Variants in EP300 observed in about 807,000 individuals in gnomAD.
EP300 encodes the protein EP300 lysine acetyltransferase.
In EP300, 31 loss-of-function variants were observed where a neutral mutation model predicts 264.0. The observed-to-expected ratio is 0.12, with a 90% CI of 0.09 to 0.16. The LOEUF (loss-of-function observed/expected upper bound fraction) is 0.16, where lower values mean the gene tolerates loss of function less well. Among genes scored for constraint, EP300 ranks in the 10% least tolerant of loss-of-function variants. The pLI is 1.00. For synonymous variants in EP300, 1,340 were observed against 1,045.4 expected, an observed-to-expected ratio of 1.28 and a Z score of -5.44; for missense variants, 2,766 against 3,052.9, an observed-to-expected ratio of 0.91 and a Z score of 2.21.
At chr22:41,163,376 A>G (rs1461732759) in intron 21 of EP300, among the ~76,000 whole-genome samples, 1 of 142,448 alleles carries the variant, frequency 7.0e-6, no homozygotes, top group East Asian at 2.1e-4. Flanking sequence ...CGGAGCTTGC[A>G]GTGAGCCGAG....
chr22:41,153,487 A>G (rs1003833256), intron 16 of EP300, among the ~76,000 whole-genome samples: 1 of 152,174 alleles, frequency 6.6e-6, no homozygotes, highest in Admixed American at 6.5e-5. Context: ...GTGTTCCCTC[A>G]TGCCTGTAAT....
intron 16 of EP300, 151 bp downstream of exon 16, chr22:41,152,501 A>G: frequency 1.2e-6 from 1 of 812,790 alleles, no homozygotes; most frequent in Non-Finnish European, 1.9e-6. Context: ...CATTGTTACT[A>G]ATAATTTTTC....
chr22:41,124,544 C>A (rs546854083), intron 2 of EP300, among the ~76,000 whole-genome samples: 122 of 152,258 alleles, frequency 8.0e-4, no homozygotes, highest in African/African-American at 2.9e-3. Flanking sequence ...CGCCTATAAT[C>A]GCAGCACTTT....
intron 1 of EP300, among the ~76,000 whole-genome samples, chr22:41,112,661 A>G (rs1285288948): frequency 6.7e-6 from 1 of 149,758 alleles, no homozygotes; most frequent in Non-Finnish European, 1.5e-5. Flanking sequence ...TCCATGAAGA[A>G]GATTGGCCTG....
chr22:41,151,801 G>A (rs2059047069), intron 14 of EP300, 32 bp from the exon 15 acceptor site: 3 of 1,610,600 alleles, frequency 1.9e-6, no homozygotes, highest in Admixed American at 3.3e-5. Flanking sequence ...CTCTGCGTGT[G>A]TCTCACCTAC....
intron 1 of EP300, among the ~76,000 whole-genome samples, chr22:41,101,633 G>T (rs1048466124): frequency 1.3e-5 from 2 of 151,814 alleles, no homozygotes; most frequent in African/African-American, 2.4e-5. Context: ...GGATGGTCTC[G>T]ATCTGCTGAC....
chr22:41,112,644 T>C (rs769481086), intron 1 of EP300, among the ~76,000 whole-genome samples: 3 of 152,216 alleles, frequency 2.0e-5, no homozygotes, highest in Admixed American at 6.5e-5. Context: ...AGAGTCTTGT[T>C]TCTGTGTCCA....
chr22:41,147,846 A>G lies in EP300; in HGVS notation c.2141A>G (p.Gln714Arg), dbSNP rs1216703492. ...PRITPQSGLNQFGQMSMAQPP... is the reference protein window; with the variant it reads ...PRITPQSGLNRFGQMSMAQPP... ...TTGCTCATATTCACAGGTTTGAATC[A>G]ATTTGGCCAGATGAGCATGGCCCAG... Residue 714 changes from glutamine (Q) to arginine (R), a missense_variant, in exon 12 of 31, where the codon CAA (glutamine) becomes CGA (arginine). Coordinates refer to ENST00000263253, the MANE Select transcript of EP300 (RefSeq NM_001429.4). 1.9e-6 allele frequency: 3 copies of G among 1,613,702 alleles called. No homozygotes were observed. The highest frequency in any genetic ancestry group is 2.5e-6 in the Non-Finnish European group (3 of 1,179,644).
chr22:41,148,941 T>G, intron 12 of EP300, 97 bp from the exon 13 acceptor site: 1 of 1,560,238 alleles, frequency 6.4e-7, no homozygotes, highest in Non-Finnish European at 8.8e-7. Context: ...TTTTCTCTAC[T>G]TAATAAGCCT....
At chr22:41,135,086 G>C (rs1293164387) in intron 6 of EP300, among the ~76,000 whole-genome samples, 10 of 152,056 alleles carry the variant, frequency 6.6e-5, no homozygotes, top group Non-Finnish European at 1.5e-4. Context: ...TCTTTTAGTA[G>C]AGACAGGGTT....
rs886057553 is a variant in EP300 at position 41,092,793 on chromosome 22, C to T, written c.-212C>T. The stretch of plus-strand genomic sequence containing the variant: ...CCTCCGGGCTTGGGCCCAGGCCCGG[C>T]CCCTCGCACTTGCCCTTACCTTTTC... On this transcript the variant is annotated 5_prime_UTR_variant, in exon 1 of 31. Coordinates refer to ENST00000263253, the MANE Select transcript of EP300 (RefSeq NM_001429.4). 2 of 639,594 alleles carry T rather than the reference C, an allele frequency of 3.1e-6. No homozygotes were observed. Among genetic ancestry groups the T allele is most frequent in the Admixed American group, 2.8e-5 (1 of 36,236 alleles). 39.6% of individuals were successfully genotyped at this position (639,594 alleles called of 1,614,324 possible).
chr22:41,125,772 G>A, intron 2 of EP300, 92 bp from the exon 3 acceptor site: 1 of 1,375,476 alleles, frequency 7.3e-7, no homozygotes, highest in Non-Finnish European at 1.0e-6. Flanking sequence ...CTTTGAAACT[G>A]TCTTTGTGAA....
intron 8 of EP300, among the ~76,000 whole-genome samples, chr22:41,139,277 T>A (rs767958698): frequency 6.6e-6 from 1 of 152,190 alleles, no homozygotes; most frequent in African/African-American, 2.4e-5. Context: ...GTGGTAGCAC[T>A]AAGTAACGGA....
chr22:41,098,562 G>A (rs1337307078), intron 1 of EP300, among the ~76,000 whole-genome samples: 3 of 152,062 alleles, frequency 2.0e-5, no homozygotes, highest in Non-Finnish European at 2.9e-5. Flanking sequence ...TAGTAGAGAC[G>A]GGGTTTCACC....
At position 41,131,585 on chromosome 22, in the gene EP300, CAGCAGCCTG is replaced by C. The variant is rs2058919912; in HGVS notation, c.1481_1489del (p.Gln494_Gly497delinsArg). 6.2e-7 allele frequency: 1 copy of C among 1,614,046 alleles called. No individual in the cohort carries two copies. The highest frequency in any genetic ancestry group is 1.7e-5 in the Admixed American group (1 of 59,986). ...GGTGCAAGCAAAGAACCAGCAGAAT[CAGCAGCCTG>C]GGCAGTCTCCCCAAGGCATGCGGCC... is the stretch of plus-strand genomic sequence containing the variant. On this transcript the variant is annotated inframe_deletion, in exon 6 of 31. Transcript: ENST00000263253.
In EP300 at chr22:41,170,497, C is replaced by G. The variant is rs1205543825; in HGVS notation, c.4378C>G (p.Pro1460Ala). ...CHPPDQKIPKPKRLQEWYKKM... is the reference protein window; with the variant it reads ...CHPPDQKIPKAKRLQEWYKKM... Reference sequence around the variant, plus strand: ...TCCTCCTGACCAGAAGATACCCAAGCCCAAGCGACTGCAGGAATGGTACAA... The same window carrying G: ...TCCTCCTGACCAGAAGATACCCAAGGCCAAGCGACTGCAGGAATGGTACAA... The change falls in exon 27 of 31, where the codon CCC becomes GCC. Residue 1460 changes from proline (P) to alanine (A), a missense_variant. Coordinates refer to ENST00000263253, the MANE Select transcript of EP300 (RefSeq NM_001429.4). The G allele has an allele frequency of 1.2e-6, 2 of 1,614,060 alleles. No homozygotes were observed. The highest frequency in any genetic ancestry group is 1.7e-6 in the Non-Finnish European group (2 of 1,180,022).
In EP300 at chr22:41,178,542, C is replaced by T. The variant is rs2059217499; in HGVS notation, c.6831C>T (p.Pro2277=). 2.5e-6 allele frequency: 4 copies of T among 1,614,000 alleles called. No homozygotes were observed. The East Asian group carries it at 8.9e-5, about 36-fold the overall frequency. ...TGGGGTCCCCTGTTCAGCCCAACCC[C>T]ATGAGCCCCCAGCAGCATATGCTCC... is the stretch of plus-strand genomic sequence containing the variant. ...QQMGSPVQPN[P]MSPQQHMLPN... The change falls in exon 31 of 31, where the codon CCC becomes CCT. Residue 2277 remains proline, a synonymous_variant. Coordinates refer to ENST00000263253, the MANE Select transcript of EP300 (RefSeq NM_001429.4).
At position 41,117,180 on chromosome 22, in the gene EP300, CT is replaced by C; in HGVS notation, c.95-3del. The C allele has an allele frequency of 6.2e-7, 1 of 1,613,774 alleles. No homozygotes were observed. Among genetic ancestry groups the C allele is most frequent in the Non-Finnish European group, 8.5e-7 (1 of 1,179,780 alleles). ...CTTTGACCTTTGTCTTTTCCCTTTG[CT>C]TTTAGATTTTGGCTCTCTATTTGAC... On this transcript the variant is annotated splice_region_variant and splice_polypyrimidine_tract_variant and intron_variant, in intron 1 of 30. Transcript: ENST00000263253.
chr22:41,127,202 T>C (rs550985662), intron 3 of EP300, among the ~76,000 whole-genome samples: 35 of 152,296 alleles, frequency 2.3e-4, no homozygotes, highest in Non-Finnish European at 4.9e-4. Context: ...ACAGACACCC[T>C]CTCACCCTTC....
Sources: allele counts gnomAD v4.1 joint callset (sites outside exome capture counted in the v4.1 genomes callset), GRCh38; gene constraint gnomAD v4.1.1; transcripts MANE v1.5; gene names NCBI Gene and HGNC (gene_info 2026-07-23, HGNC 2026-07-21).